LAMA1: variants seen among roughly 807,000 people sequenced by gnomAD.
LAMA1 encodes the protein laminin subunit alpha 1.
LAMA1 carries 219 observed loss-of-function variants against 348.7 expected under a neutral mutation model. The ratio of observed to expected loss-of-function variants is 0.63; its 90% confidence interval spans 0.56 to 0.70. LAMA1 has a LOEUF of 0.70. LAMA1 is among the 30% of genes least tolerant of loss of function. The pLI, the probability that LAMA1 is intolerant of heterozygous loss-of-function variation, is 0.00. For synonymous variants in LAMA1, 1,487 were observed against 1,491.0 expected (o/e 1.00, Z 0.06); for missense variants, 3,744 against 3,888.0 (o/e 0.96, Z 0.99).
At chr18:7,062,947 G>A (rs1039344199) in intron 3 of LAMA1, among the ~76,000 whole-genome samples, 7 of 152,184 alleles carry the variant, frequency 4.6e-5, no homozygotes, top group African/African-American at 1.2e-4. Flanking sequence ...GAAAACACAC[G>A]AGCATCACAC....
chr18:7,035,263 A>G (rs1250052805), intron 13 of LAMA1, among the ~76,000 whole-genome samples: 2 of 152,036 alleles, frequency 1.3e-5, no homozygotes, highest in African/African-American at 4.8e-5. Flanking sequence ...GGATGTGGGG[A>G]TAGGGACAGA....
In LAMA1 at chr18:7,034,671, C is replaced by T. The variant is rs750330772; in HGVS notation, c.1859G>A (p.Ser620Asn). The change falls in exon 14 of 63, where the codon AGC becomes AAC. Residue 620 changes from serine to asparagine, a missense_variant. Coordinates refer to ENST00000389658, the MANE Select transcript of LAMA1 (RefSeq NM_005559.4). ...CAATGACAGACCCTCAGCCTGTGTG[C>T]TTAAAGTGAGTCCGTTTCCCTAACA... ...VIIKGNGLTL[S>N]TQAEGLSLQP... 1.2e-6 allele frequency: 2 copies of T among 1,613,882 alleles called. No individual in the cohort carries two copies. The highest frequency in any genetic ancestry group is 1.7e-5 in the Admixed American group (1 of 60,026).
At chr18:6,959,814 A>G in intron 53 of LAMA1, 1 of 321,580 alleles carries the variant, frequency 3.1e-6, no homozygotes, top group Non-Finnish European at 6.0e-6. Context: ...AATGAAATTT[A>G]AAGTATTTTC....
At chr18:7,057,060 T>A (rs1053978072) in intron 3 of LAMA1, among the ~76,000 whole-genome samples, 1 of 152,180 alleles carries the variant, frequency 6.6e-6, no homozygotes. Context: ...TTAGTAGAGA[T>A]GAGGTTTTAC....
Position 6,958,515 on chromosome 18 carries a change from C to T in LAMA1, c.7926G>A (p.Ser2642=), listed in dbSNP as rs1375658475. The T allele has an allele frequency of 6.8e-6, 11 of 1,614,158 alleles. No homozygotes were observed. Among genetic ancestry groups the T allele is most frequent in the South Asian group, 4.4e-5 (4 of 91,080 alleles). The change falls in exon 55 of 63, where the codon TCG becomes TCA. Residue 2642 remains serine (S), a synonymous_variant. Coordinates refer to ENST00000389658, the MANE Select transcript of LAMA1 (RefSeq NM_005559.4). Reference sequence around the variant, plus strand: ...TCAGGTTTTTGATACAGCCATGGAACGATCTTCTCATTGTGAGCAGTGACG... The same window carrying T: ...TCAGGTTTTTGATACAGCCATGGAATGATCTTCTCATTGTGAGCAGTGACG... ...EGTSLLTMRR[S]FHGCIKNLIF...
chr18:6,994,523 CAA>C (rs1300035109), intron 34 of LAMA1, among the ~76,000 whole-genome samples: 1 of 152,084 alleles, frequency 6.6e-6, no homozygotes, highest in Non-Finnish European at 1.5e-5. Context: ...TACTTAAACC[CAA>C]ACTTAAACCC....
chr18:6,948,264 G>T (rs983727741), intron 60 of LAMA1, 139 bp downstream of exon 60: 1 of 1,142,244 alleles, frequency 8.8e-7, no homozygotes, highest in Admixed American at 1.9e-5. Context: ...AAGAAATTAG[G>T]AATCAACTGG....
intron 1 of LAMA1, among the ~76,000 whole-genome samples, chr18:7,095,064 T>A: frequency 6.9e-6 from 1 of 144,726 alleles, no homozygotes; most frequent in African/African-American, 2.8e-5. Flanking sequence ...ATCCCTTGAC[T>A]GTTTTTTTTT....
intron 3 of LAMA1, 54 bp downstream of exon 3, chr18:7,079,921 A>C (rs2143782115): frequency 7.9e-7 from 1 of 1,259,684 alleles, no homozygotes; most frequent in South Asian, 1.2e-5. Flanking sequence ...GGTCATCAGA[A>C]GACCACAGCT....
At chr18:7,107,678 C>A (rs2058317901) in intron 1 of LAMA1, among the ~76,000 whole-genome samples, 1 of 152,126 alleles carries the variant, frequency 6.6e-6, no homozygotes, top group Admixed American at 6.6e-5. Context: ...ATAGAAATGA[C>A]AATACTCCTA....
intron 12 of LAMA1, among the ~76,000 whole-genome samples, chr18:7,036,915 T>C (rs2057997772): frequency 6.6e-6 from 1 of 151,982 alleles, no homozygotes; most frequent in South Asian, 2.1e-4. Flanking sequence ...AGATGCATTC[T>C]CGGGAATAAA....
chr18:7,011,546 A>G (rs968006385), intron 24 of LAMA1, 67 bp from the exon 25 acceptor site: 1 of 1,403,332 alleles, frequency 7.1e-7, no homozygotes, highest in Non-Finnish European at 9.9e-7. Context: ...TTCATTCTTT[A>G]GATTCCATCA....
intron 1 of LAMA1, among the ~76,000 whole-genome samples, chr18:7,117,338 C>T (rs551831116): frequency 1.3e-5 from 2 of 151,934 alleles, no homozygotes; most frequent in African/African-American, 4.8e-5. Context: ...GCTCCCGCCA[C>T]CCCCAGCACT....
intron 52 of LAMA1, 44 bp from the exon 53 acceptor site, chr18:6,961,803 C>T (rs371153242): frequency 1.9e-4 from 304 of 1,608,748 alleles, no homozygotes; most frequent in African/African-American, 2.4e-4. Flanking sequence ...TTCCTAGCTG[C>T]GGCCAAACCT....
chr18:6,963,244 C>A (rs767361156), intron 51 of LAMA1, among the ~76,000 whole-genome samples: 2 of 152,154 alleles, frequency 1.3e-5, no homozygotes, highest in African/African-American at 2.4e-5. Context: ...TCCTTTCCTG[C>A]GTTGTCTACA....
rs780994385 is a variant in LAMA1, at chr18:6,955,455, ACAC to A, written c.8102_8104del (p.Cys2701_Val2702delinsLeu). On this transcript the variant is annotated inframe_deletion, in exon 57 of 63. Transcript: ENST00000389658. ...AACGTACTCCAGAGCTGCATCCACC[ACAC>A]ACTGTTCCTGTAAGAGACACACAGG... 1.9e-6 allele frequency: 3 copies of A among 1,613,892 alleles called. No individual in the cohort carries two copies. The highest frequency in any genetic ancestry group is 2.5e-6 in the Non-Finnish European group (3 of 1,179,776).
rs796499601 is a variant in LAMA1 at position 7,046,579 on chromosome 18, AAAG to A, written c.769-215_769-213del. ...GGCTCAAATTAGCTCATCAGAACCCAAAGAAGTCTAAAAGAATTCCCCAACTGC... is the reference window on the plus strand; with the variant it reads ...GGCTCAAATTAGCTCATCAGAACCCAAAGTCTAAAAGAATTCCCCAACTGC... On this transcript the variant is annotated intron_variant, in intron 5 of 62. Coordinates refer to ENST00000389658, the MANE Select transcript of LAMA1 (RefSeq NM_005559.4). 2.2e-4 allele frequency among the ~76,000 whole-genome samples: 34 copies of A among 152,344 alleles called. 1 individual carries two copies. Among genetic ancestry groups the A allele is most frequent in the African/African-American group, 7.5e-4 (31 of 41,596 alleles).
intron 61 of LAMA1, among the ~76,000 whole-genome samples, chr18:6,946,812 C>T (rs945449005): frequency 3.9e-5 from 6 of 152,042 alleles, no homozygotes; most frequent in Non-Finnish European, 7.4e-5. Flanking sequence ...ATTGCAACTT[C>T]CTATGAATCT....
intron 44 of LAMA1, 47 bp from the exon 45 acceptor site, chr18:6,976,127 C>T (rs1011825516): frequency 2.1e-5 from 33 of 1,600,098 alleles, no homozygotes; most frequent in Middle Eastern, 3.3e-4. Context: ...TGACACACAC[C>T]GGCAGCTCAC....
Sources: allele counts gnomAD v4.1 joint callset (sites outside exome capture counted in the v4.1 genomes callset), GRCh38; gene constraint gnomAD v4.1.1; transcripts MANE v1.5; gene names NCBI Gene and HGNC (gene_info 2026-07-23, HGNC 2026-07-21).